The following DGKB variants were observed in gnomAD, a reference collection of about 807,000 sequenced individuals.
DGKB encodes the protein 90 kDa diacylglycerol kinase.
In DGKB, 67 loss-of-function variants were observed where a neutral mutation model predicts 114.3. The observed-to-expected ratio is 0.59, with a 90% CI of 0.48 to 0.72. DGKB has a LOEUF of 0.72. Among genes scored for constraint, DGKB ranks in the 30% least tolerant of loss-of-function variants. DGKB has a pLI of 0.00. For synonymous variants in DGKB, 398 were observed against 323.1 expected, an observed-to-expected ratio of 1.23 and a Z score of -2.49; for missense variants, 907 against 975.2, an observed-to-expected ratio of 0.93 and a Z score of 0.93.
intron 5 of DGKB, among the ~76,000 whole-genome samples, chr7:14,729,200 G>A (rs1260339630): frequency 7.1e-6 from 1 of 140,010 alleles, no homozygotes; most frequent in Admixed American, 7.6e-5. Context: ...TCGGCTCACT[G>A]CAAGCTCCGC....
intron 2 of DGKB, among the ~76,000 whole-genome samples, chr7:14,825,012 G>GTA (rs1232898169): frequency 8.2e-5 from 5 of 60,836 alleles, no homozygotes; most frequent in South Asian, 5.9e-4. Context: ...ATATGTATGT[G>GTA]TATGTATATA....
Position 14,716,586 on chromosome 7 carries a change from TGACA to T in DGKB, c.466+1952_466+1955del, listed in dbSNP as rs534224701. 3.9e-3 allele frequency among the ~76,000 whole-genome samples: 596 copies of T among 152,332 alleles called. 1 individual carries two copies. The highest frequency in any genetic ancestry group is 5.3e-3 in the Non-Finnish European group (358 of 68,030). Reference sequence around the variant, plus strand: ...TCAACACAAATTTTTGAAGTCTTACTGACAATTTGTTTTTAAAAATCTGTAACTG... The same window carrying T: ...TCAACACAAATTTTTGAAGTCTTACTATTTGTTTTTAAAAATCTGTAACTG... On this transcript the variant is annotated intron_variant, in intron 6 of 25. Transcript: ENST00000402815.
chr7:14,246,299 T>C lies in DGKB; in HGVS notation c.2123-68148A>G, dbSNP rs1457067814. The stretch of plus-strand genomic sequence containing the variant: ...TCACATCTAATCTGTAACAGGACTT[T>C]ATGTTATCTGTTTTAAAATGAATGT... On this transcript the variant is annotated intron_variant, in intron 23 of 25. Transcript: ENST00000402815. Among the ~76,000 whole-genome samples the C allele has an allele frequency of 2.6e-5, 4 of 152,196 alleles. No homozygotes were observed. The East Asian group carries it at 7.7e-4, about 29-fold the overall frequency.
chr7:14,678,019 TGTTTAA>T (rs1313305189), intron 12 of DGKB, among the ~76,000 whole-genome samples: 28 of 152,110 alleles, frequency 1.8e-4, no homozygotes, highest in Non-Finnish European at 4.4e-5. Flanking sequence ...CTTAAGTATT[TGTTTAA>T]GTTTACTTGC....
In DGKB at chr7:14,147,629, G is replaced by A. The variant is rs111361718; in HGVS notation, c.*1502C>T. The A allele has an allele frequency of 9.7e-4, 148 of 152,568 alleles. 1 individual carries two copies. The highest frequency in any genetic ancestry group is 3.4e-3 in the African/African-American group (143 of 41,562). 9.5% of individuals were successfully genotyped at this position (152,568 alleles called of 1,614,324 possible). A position where few individuals can be genotyped will look rare whatever the true frequency, so the allele number is the denominator to read the frequency against. On this transcript the variant is annotated 3_prime_UTR_variant, in exon 26 of 26. Coordinates refer to ENST00000402815, the MANE Select transcript of DGKB (RefSeq NM_001350709.2). ...ACAAAATAGAACCGATAAATCATTA[G>A]CACTTTAATGCAGAGTGGAGAGAAA...
Position 14,838,366 on chromosome 7 carries a change from T to C in DGKB, c.70+2828A>G, listed in dbSNP as rs980695084. Among the ~76,000 whole-genome samples the C allele has an allele frequency of 2.0e-5, 3 of 152,164 alleles. No individual in the cohort carries two copies. In the East Asian group the frequency reaches 5.8e-4, roughly 29 times the overall value. The stretch of plus-strand genomic sequence containing the variant: ...ATATATTTTATAGTAATGTTTCATA[T>C]AATACAGGAACTTTTCTTATAAGTA... On this transcript the variant is annotated intron_variant, in intron 2 of 25. Transcript: ENST00000402815.
chr7:14,225,340 C>G (rs553724885), intron 23 of DGKB, among the ~76,000 whole-genome samples: 19 of 152,070 alleles, frequency 1.2e-4, no homozygotes, highest in African/African-American at 4.1e-4. Context: ...ATTTTCTTGA[C>G]TACATATTTA....
chr7:14,751,405 G>A (rs1834104930), intron 4 of DGKB, among the ~76,000 whole-genome samples: 1 of 152,122 alleles, frequency 6.6e-6, no homozygotes, highest in South Asian at 2.1e-4. Flanking sequence ...TTTCCCAAAT[G>A]TATTTATGCT....
chr7:14,598,223 C>T (rs1399486709), intron 17 of DGKB, among the ~76,000 whole-genome samples: 1 of 152,128 alleles, frequency 6.6e-6, no homozygotes, highest in Non-Finnish European at 1.5e-5. Context: ...TTAAAACATT[C>T]TGATCACTCT....
chr7:14,776,074 G>A (rs1275550506), intron 2 of DGKB, among the ~76,000 whole-genome samples: 6 of 152,064 alleles, frequency 3.9e-5, no homozygotes, highest in Non-Finnish European at 8.8e-5. Flanking sequence ...AGGAACTGTT[G>A]GGAACTGGAG....
intron 23 of DGKB, among the ~76,000 whole-genome samples, chr7:14,307,612 G>A (rs1804701819): frequency 1.3e-5 from 2 of 152,252 alleles, no homozygotes; most frequent in African/African-American, 4.8e-5. Context: ...TGTATTGAAT[G>A]TCAATTTACA....
intron 23 of DGKB, among the ~76,000 whole-genome samples, chr7:14,233,132 C>T (rs1434555996): frequency 6.6e-6 from 1 of 151,994 alleles, no homozygotes; most frequent in Non-Finnish European, 1.5e-5. Flanking sequence ...GGGGAACACA[C>T]TGAAGATCCC....
At chr7:14,730,495 A>T (rs1830746367) in intron 5 of DGKB, among the ~76,000 whole-genome samples, 1 of 152,214 alleles carries the variant, frequency 6.6e-6, no homozygotes, top group Admixed American at 6.5e-5. Flanking sequence ...TCATGCGATA[A>T]GGGCAAAGAA....
chr7:14,645,549 G>C (rs1812790065), intron 13 of DGKB, among the ~76,000 whole-genome samples: 1 of 151,878 alleles, frequency 6.6e-6, no homozygotes, highest in South Asian at 2.1e-4. Context: ...ACTATCTGAG[G>C]CACATTATAG....
chr7:14,171,537 A>G (rs546667142), intron 25 of DGKB, among the ~76,000 whole-genome samples: 4 of 152,348 alleles, frequency 2.6e-5, no homozygotes, highest in African/African-American at 9.6e-5. Context: ...GATAATCCAG[A>G]GGGAAGTGGC....
intron 12 of DGKB, among the ~76,000 whole-genome samples, chr7:14,681,185 G>A (rs756802248): frequency 3.4e-4 from 52 of 151,908 alleles, no homozygotes; most frequent in Admixed American, 8.5e-4. Context: ...TCTTAAAACT[G>A]GGAATTCAAT....
At chr7:14,773,594 G>A (rs538898638) in intron 2 of DGKB, among the ~76,000 whole-genome samples, 12 of 152,118 alleles carry the variant, frequency 7.9e-5, no homozygotes, top group Non-Finnish European at 1.6e-4. Flanking sequence ...CTGGAACAGT[G>A]TAGTCCCCTT....
intron 23 of DGKB, chr7:14,192,181 T>C (rs981779150): frequency 6.7e-6 from 2 of 296,842 alleles, no homozygotes; most frequent in East Asian, 1.7e-4. Context: ...TTGTCCCTAT[T>C]TGTAGATGTT....
intron 1 of DGKB, among the ~76,000 whole-genome samples, chr7:14,846,601 T>C (rs1468856994): frequency 2.0e-5 from 3 of 152,202 alleles, no homozygotes; most frequent in Non-Finnish European, 4.4e-5. Flanking sequence ...CTGCGGTGCA[T>C]TCACAAGTTT....
Sources: gnomAD v4.1 joint callset for allele counts (sites outside exome capture counted in the v4.1 genomes callset) on GRCh38, gnomAD v4.1.1 for gene constraint, MANE v1.5 for transcripts, NCBI Gene and HGNC (gene_info 2026-07-23, HGNC 2026-07-21) for gene names.